BANP: variants seen among roughly 807,000 people sequenced by gnomAD.
The protein encoded by BANP is protein BANP.
In BANP, 11 loss-of-function variants were observed where a neutral mutation model predicts 68.1. The ratio of observed to expected loss-of-function variants is 0.16; its 90% confidence interval spans 0.10 to 0.27. The LOEUF (loss-of-function observed/expected upper bound fraction) is 0.27, where lower values mean the gene tolerates loss of function less well. BANP is among the 10% of genes least tolerant of loss of function. The pLI is 1.00. For synonymous variants in BANP, 329 were observed against 303.2 expected, an observed-to-expected ratio of 1.09 and a Z score of -0.88; for missense variants, 504 against 722.7, an observed-to-expected ratio of 0.70 and a Z score of 3.47.
intron 11 of BANP, among the ~76,000 whole-genome samples, chr16:88,045,055 C>G (rs1472887780): frequency 6.6e-6 from 1 of 152,032 alleles, no homozygotes; most frequent in East Asian, 1.9e-4. Context: ...TTTGATAAAT[C>G]AAAAGATAAT....
chr16:88,016,758 G>A (rs979584878), intron 6 of BANP, among the ~76,000 whole-genome samples: 1 of 152,188 alleles, frequency 6.6e-6, no homozygotes, highest in Non-Finnish European at 1.5e-5. Flanking sequence ...TGTAATAGTG[G>A]CCGACCGACG....
At chr16:88,025,956 A>G (rs1289555142) in intron 7 of BANP, among the ~76,000 whole-genome samples, 1 of 152,198 alleles carries the variant, frequency 6.6e-6, no homozygotes, top group Non-Finnish European at 1.5e-5. Flanking sequence ...CCTTCCCATC[A>G]TGCCCACATT....
chr16:87,962,619 G>C (rs369009492), intron 1 of BANP, among the ~76,000 whole-genome samples: 32 of 152,166 alleles, frequency 2.1e-4, no homozygotes, highest in Middle Eastern at 3.2e-3. Flanking sequence ...TTTGGAATTT[G>C]ACCACTTACT....
At chr16:87,992,609 C>T (rs1398318721) in intron 4 of BANP, among the ~76,000 whole-genome samples, 5 of 152,106 alleles carry the variant, frequency 3.3e-5, no homozygotes, top group East Asian at 1.9e-4. Flanking sequence ...GCCTGGCTAA[C>T]GAGGCGAAAC....
At chr16:88,006,501 C>T (rs182887852) in intron 6 of BANP, among the ~76,000 whole-genome samples, 14 of 151,068 alleles carry the variant, frequency 9.3e-5, no homozygotes, top group Non-Finnish European at 1.6e-4. Context: ...ACAAAATTAG[C>T]CGGGTGTGGT....
intron 11 of BANP, among the ~76,000 whole-genome samples, chr16:88,041,072 A>G (rs1202673766): frequency 6.6e-6 from 1 of 152,182 alleles, no homozygotes; most frequent in Non-Finnish European, 1.5e-5. Flanking sequence ...CTGTGCCCCC[A>G]CATCCTGCAC....
At position 88,018,824 on chromosome 16, in the gene BANP, A is replaced by G. The variant is rs887751808; in HGVS notation, c.895+157A>G. 2.0e-5 allele frequency among the ~76,000 whole-genome samples: 3 copies of G among 152,158 alleles called. No homozygotes were observed. Among genetic ancestry groups the G allele is most frequent in the African/African-American group, 7.2e-5 (3 of 41,428 alleles). On this transcript the variant is annotated intron_variant, in intron 7 of 13. Coordinates refer to ENST00000682872, the MANE Select transcript of BANP (RefSeq NM_001386991.1). The surrounding 1 kb of genome is among the most constrained non-coding windows in gnomAD (Gnocchi z 7.7). Reference sequence around the variant, plus strand: ...AGCCCGAGGATCAGTGCTCGAGGGGATGGATGAGCTGTTGACCCTGATGTG... The same window carrying G: ...AGCCCGAGGATCAGTGCTCGAGGGGGTGGATGAGCTGTTGACCCTGATGTG...
chr16:88,053,585 TCATCAC>T (rs1183576753), intron 11 of BANP, among the ~76,000 whole-genome samples: 6 of 139,874 alleles, frequency 4.3e-5, no homozygotes, highest in Non-Finnish European at 9.1e-5. Flanking sequence ...ATCATCATCA[TCATCAC>T]CAACACAACC....
chr16:88,053,480 T>C (rs1413861164), intron 11 of BANP, among the ~76,000 whole-genome samples: 9 of 112,356 alleles, frequency 8.0e-5, no homozygotes, highest in South Asian at 3.2e-4. Flanking sequence ...ACAACCACCT[T>C]CACCACCACC....
intron 2 of BANP, among the ~76,000 whole-genome samples, chr16:87,980,330 C>T (rs2063009450): frequency 2.6e-5 from 4 of 152,072 alleles, no homozygotes; most frequent in Non-Finnish European, 2.9e-5. Context: ...CAATTGTGGC[C>T]GATTTTGGTC....
intron 9 of BANP, among the ~76,000 whole-genome samples, chr16:88,033,886 G>A (rs960123358): frequency 6.6e-6 from 1 of 152,006 alleles, no homozygotes; most frequent in Non-Finnish European, 1.5e-5. Context: ...TGGCATGAGA[G>A]TAGGGCGTGG....
intron 7 of BANP, 45 bp from the exon 8 acceptor site, chr16:88,027,438 G>T (rs574127784): frequency 6.2e-7 from 1 of 1,608,458 alleles, no homozygotes; most frequent in African/African-American, 1.3e-5. Flanking sequence ...CCTGGTGGCT[G>T]TCCCGAACAG....
rs79197649 is a variant in BANP at position 88,051,542 on chromosome 16, C to T, written c.1311+13531C>T. ...CCAGGCACTGCTGCAGTGCTGAGCG[C>T]GATGTGTTCCCACGTAGACATGGAT... On this transcript the variant is annotated intron_variant, in intron 11 of 13. Transcript: ENST00000682872. Among the ~76,000 whole-genome samples the T allele has an allele frequency of 7.0e-4, 106 of 152,308 alleles. No individual in the cohort carries two copies. The East Asian group carries it at 8.7e-3, about 12-fold the overall frequency.
At chr16:88,013,187 C>G (rs115933369) in intron 6 of BANP, among the ~76,000 whole-genome samples, 157 of 152,348 alleles carry the variant, frequency 1.0e-3, no homozygotes, top group African/African-American at 3.7e-3. Context: ...CTCACTTGGC[C>G]TGCGACCTCG....
At chr16:87,973,385 G>A (rs1448947740) in intron 1 of BANP, among the ~76,000 whole-genome samples, 2 of 152,076 alleles carry the variant, frequency 1.3e-5, no homozygotes, top group South Asian at 2.1e-4. Context: ...ACACATTTAT[G>A]AAAAATATTG....
At position 87,976,474 on chromosome 16, in the gene BANP, G is replaced by GTTT. The variant is rs59786663; in HGVS notation, c.70+1302_70+1304dup. 1.9e-3 allele frequency among the ~76,000 whole-genome samples: 186 copies of GTTT among 95,958 alleles called. 5 individuals are homozygous for GTTT. Among genetic ancestry groups the GTTT allele is most frequent in the African/African-American group, 7.2e-3 (158 of 22,024 alleles). 63.0% of individuals were successfully genotyped at this position (95,958 alleles called of 152,430 possible). A position where few individuals can be genotyped will look rare whatever the true frequency, so the allele number is the denominator to read the frequency against. On this transcript the variant is annotated intron_variant, in intron 2 of 13. Transcript: ENST00000682872. ...TTGTCCACACTTATTGTTTTAAAAA[G>GTTT]TTTTTTTTTTTTTTTGGCCATAAAG...
chr16:88,018,329 A>G lies in BANP; in HGVS notation c.656-99A>G. 6.9e-7 allele frequency: 1 copy of G among 1,443,688 alleles called. No homozygotes were observed. Among genetic ancestry groups the G allele is most frequent in the South Asian group, 1.3e-5 (1 of 77,208 alleles). The allele number at this position is 1,443,688 out of a possible 1,614,324, so 89.4% of individuals were successfully genotyped here. The stretch of plus-strand genomic sequence containing the variant: ...GAGGGATTTGCCCAGCCCTGCGTGG[A>G]GCATCTTTCCCGACTGTGCCTGAGC... On this transcript the variant is annotated intron_variant, in intron 6 of 13. Coordinates refer to ENST00000682872, the MANE Select transcript of BANP (RefSeq NM_001386991.1). This position sits in a 1 kb window ranked among gnomAD's most constrained non-coding sequence, Gnocchi z 7.7.
chr16:88,015,039 C>T (rs554886997), intron 6 of BANP, among the ~76,000 whole-genome samples: 4 of 146,966 alleles, frequency 2.7e-5, no homozygotes, highest in African/African-American at 7.6e-5. Context: ...AGCTTGTGCC[C>T]TCTGGCCGTG....
chr16:88,005,743 C>T (rs1219146341), intron 5 of BANP, among the ~76,000 whole-genome samples: 1 of 152,210 alleles, frequency 6.6e-6, no homozygotes, highest in Non-Finnish European at 1.5e-5. Flanking sequence ...TTTAGTCTTC[C>T]CTTTAACCTC....
Sources: allele counts gnomAD v4.1 joint callset (sites outside exome capture counted in the v4.1 genomes callset), GRCh38; gene constraint gnomAD v4.1.1; non-coding constraint Gnocchi (gnomAD v3.1); transcripts MANE v1.5; gene names NCBI Gene and HGNC (gene_info 2026-07-23, HGNC 2026-07-21).